Variants in GOT2 observed in about 807,000 individuals in gnomAD.
GOT2 encodes the protein glutamic-oxaloacetic transaminase 2.
In GOT2, 17 loss-of-function variants were observed where a neutral mutation model predicts 50.0. The ratio of observed to expected loss-of-function variants is 0.34; its 90% CI spans 0.23 to 0.51. The LOEUF is 0.51. Ranked by LOEUF, GOT2 falls within the 20% of genes least tolerant of loss-of-function variation. GOT2 has a pLI of 0.97. For missense variants in GOT2, 430 were observed against 559.6 expected, an observed-to-expected ratio of 0.77 and a Z score of 2.34; for synonymous variants, 172 against 204.9, an observed-to-expected ratio of 0.84 and a Z score of 1.37.
At position 58,734,148 on chromosome 16, in the gene GOT2, G is replaced by A; in HGVS notation, c.81C>T (p.Ala27=). 1 of 1,333,086 alleles carries A rather than the reference G, an allele frequency of 7.5e-7. No individual in the cohort carries two copies. The highest frequency in any genetic ancestry group is 2.5e-5 in the South Asian group (1 of 40,478). 82.6% of individuals were successfully genotyped at this position (1,333,086 alleles called of 1,614,324 possible). ...FHPGLAAAAS[A]RASSWWTHVE... Reference sequence around the variant, plus strand: ...CGTTTCCCTTGGCTTACCTGGCTCTGGCAGAGGCCGCGGCGGCGAGGCCCG... The same window carrying A: ...CGTTTCCCTTGGCTTACCTGGCTCTAGCAGAGGCCGCGGCGGCGAGGCCCG... Residue 27 remains alanine (A), a synonymous_variant, in exon 1 of 10, where the codon GCC becomes GCT. Transcript: ENST00000245206.
intron 2 of GOT2, among the ~76,000 whole-genome samples, chr16:58,722,946 T>TGCCA (rs2044753437): frequency 6.6e-6 from 1 of 152,218 alleles, no homozygotes; most frequent in East Asian, 1.9e-4. Flanking sequence ...TCAAGCTATA[T>TGCCA]GCCAGTCTAA....
chr16:58,727,676 G>C (rs257621), intron 1 of GOT2, among the ~76,000 whole-genome samples: 105,374 of 151,964 alleles, frequency 0.69, 37,086 homozygotes, highest in Middle Eastern at 0.86. Context: ...AGCAGAGGAC[G>C]TAATAGCTTG....
At chr16:58,720,911 A>G (rs1478364651) in intron 3 of GOT2, among the ~76,000 whole-genome samples, 1 of 152,132 alleles carries the variant, frequency 6.6e-6, no homozygotes, top group African/African-American at 2.4e-5. Flanking sequence ...ATAAAAGACA[A>G]GCTGATGTTA....
At chr16:58,711,108 T>A (rs369035412) in intron 8 of GOT2, among the ~76,000 whole-genome samples, 4 of 151,826 alleles carry the variant, frequency 2.6e-5, no homozygotes, top group Non-Finnish European at 5.9e-5. Flanking sequence ...ATCTTCACAA[T>A]TGAGACAATG....
intron 8 of GOT2, among the ~76,000 whole-genome samples, chr16:58,712,941 A>C (rs1831774898): frequency 6.6e-6 from 1 of 152,152 alleles, no homozygotes; most frequent in African/African-American, 2.4e-5. Context: ...CTCTACTAAA[A>C]ATACAAAATT....
At position 58,708,203 on chromosome 16, in the gene GOT2, G is replaced by C; in HGVS notation, c.1261C>G (p.Leu421Val). 6.2e-7 allele frequency: 1 copy of C among 1,614,020 alleles called. No individual in the cohort carries two copies. The highest frequency in any genetic ancestry group is 8.5e-7 in the Non-Finnish European group (1 of 1,179,900). ...AGVTSSNVGY[L>V]AHAIHQVTK ...GTGACCTGGTGAATGGCATGGGCAA[G>C]GTAGCCCACGTTGCTGGAGGTGACC... is the stretch of plus-strand genomic sequence containing the variant. The change falls in exon 10 of 10, where the codon CTT (leucine) becomes GTT (valine). Residue 421 changes from leucine (L) to valine (V), a missense_variant. Coordinates refer to ENST00000245206, the MANE Select transcript of GOT2 (RefSeq NM_002080.4).
intron 1 of GOT2, among the ~76,000 whole-genome samples, chr16:58,733,149 T>C (rs1366041519): frequency 6.6e-6 from 1 of 152,134 alleles, no homozygotes; most frequent in South Asian, 2.1e-4. Context: ...TTAAGGAGAG[T>C]GCTCCAAATC....
In GOT2 at chr16:58,708,112, C is replaced by A; in HGVS notation, c.*59G>T. On this transcript the variant is annotated 3_prime_UTR_variant, in exon 10 of 10. Coordinates refer to ENST00000245206, the MANE Select transcript of GOT2 (RefSeq NM_002080.4). Reference sequence around the variant, plus strand: ...ACCCTCTCTCATTGTCTGTGTGAAGCTCTCAATAGCAGAGGCTGAAGACAG... The same window carrying A: ...ACCCTCTCTCATTGTCTGTGTGAAGATCTCAATAGCAGAGGCTGAAGACAG... 1.3e-6 allele frequency: 2 copies of A among 1,562,396 alleles called. No homozygotes were observed. Among genetic ancestry groups the A allele is most frequent in the Non-Finnish European group, 8.7e-7 (1 of 1,143,572 alleles).
chr16:58,710,199 A>G (rs1451999940), intron 8 of GOT2, among the ~76,000 whole-genome samples: 2 of 151,474 alleles, frequency 1.3e-5, no homozygotes, highest in African/African-American at 4.9e-5. Flanking sequence ...CGCCTGGCCC[A>G]TTTTCTTTTT....
rs768115428 is a variant in GOT2 at position 58,722,251 on chromosome 16, A to G, written c.274T>C (p.Leu92=). 4.3e-6 allele frequency: 7 copies of G among 1,613,556 alleles called. No homozygotes were observed. Among genetic ancestry groups the G allele is most frequent in the African/African-American group, 2.7e-5 (2 of 74,914 alleles). Residue 92 remains leucine (L), a synonymous_variant, in exon 3 of 10, where the codon TTG becomes CTG. Transcript: ENST00000245206. ...KAEAQIAAKN[L]DKEYLPIGGL... is the part of the protein sequence containing the mutation. The stretch of plus-strand genomic sequence containing the variant: ...CCAATGGGCAGGTATTCCTTGTCCA[A>G]ATTTTTTGCGGCAATCTGGGCCTCT...
intron 1 of GOT2, among the ~76,000 whole-genome samples, chr16:58,730,153 C>G (rs1204789666): frequency 6.6e-6 from 1 of 152,090 alleles, no homozygotes; most frequent in Non-Finnish European, 1.5e-5. Flanking sequence ...TGTTGAAACT[C>G]TGGGGGAAAG....
At chr16:58,721,215 T>G (rs1026322791) in intron 3 of GOT2, among the ~76,000 whole-genome samples, 2 of 152,202 alleles carry the variant, frequency 1.3e-5, no homozygotes, top group African/African-American at 4.8e-5. Context: ...AGAAAAAATG[T>G]TGACTTAATT....
rs543408781 is a variant in GOT2 at position 58,722,314 on chromosome 16, T to A, written c.247-36A>T. The A allele has an allele frequency of 1.9e-6, 3 of 1,602,548 alleles. No individual in the cohort carries two copies. The Admixed American group carries it at 5.0e-5, about 27-fold the overall frequency. ...GAAAATACATCCATTGAATTTCTTC[T>A]CCTTACTTGGAATTACTATGATTAA... On this transcript the variant is annotated intron_variant, in intron 2 of 9. Coordinates refer to ENST00000245206, the MANE Select transcript of GOT2 (RefSeq NM_002080.4).
intron 1 of GOT2, among the ~76,000 whole-genome samples, chr16:58,725,112 C>CGT (rs2044772898): frequency 6.9e-6 from 1 of 145,468 alleles, no homozygotes; most frequent in African/African-American, 2.5e-5. Flanking sequence ...TTCTTTCTTT[C>CGT]TTTTTTTTTT....
In GOT2 at chr16:58,709,614, C is replaced by T. The variant is rs180995607; in HGVS notation, c.1020-47G>A. ...CAGCTCATTCTGCCTAAGCACTGAC[C>T]GATATGCTGGAGTTCACTGCATTTT... On this transcript the variant is annotated intron_variant, in intron 8 of 9. Coordinates refer to ENST00000245206, the MANE Select transcript of GOT2 (RefSeq NM_002080.4). 432 of 1,548,480 alleles carry T rather than the reference C, an allele frequency of 2.8e-4. 2 individuals are homozygous for T. The East Asian group carries it at 6.5e-3, about 23-fold the overall frequency.
At chr16:58,733,095 G>T (rs1231653374) in intron 1 of GOT2, among the ~76,000 whole-genome samples, 1 of 152,192 alleles carries the variant, frequency 6.6e-6, no homozygotes, top group African/African-American at 2.4e-5. Flanking sequence ...GTTAATACCT[G>T]CTTGGGGGTG....
chr16:58,723,977 A>T (rs2044762181), intron 1 of GOT2, 75 bp from the exon 2 acceptor site: 5 of 1,353,162 alleles, frequency 3.7e-6, no homozygotes, highest in Admixed American at 3.8e-5. Flanking sequence ...TTTATGAGAT[A>T]GACTCTTGCT....
At position 58,734,280 on chromosome 16, in the gene GOT2, C is replaced by A; in HGVS notation, c.-52G>T. The A allele has an allele frequency of 4.1e-6, 4 of 982,012 alleles. No individual in the cohort carries two copies. The highest frequency in any genetic ancestry group is 5.4e-6 in the Non-Finnish European group (4 of 741,712). The allele number at this position is 982,012 out of a possible 1,614,324, so 60.8% of individuals were successfully genotyped here. ...GCCGCAGGACGGAGCAGAGGGCGAG[C>A]GGACACACACACAGGGAACCGGCTC... On this transcript the variant is annotated 5_prime_UTR_variant, in exon 1 of 10. Coordinates refer to ENST00000245206, the MANE Select transcript of GOT2 (RefSeq NM_002080.4).
Position 58,716,820 on chromosome 16 carries a change from AG to A in GOT2, c.703-8del. ...ACGCAAAGAGATTCCTTTTCTGAGA[AG>A]GAACGAAAGATCGAAGCTTTAGCAG... On this transcript the variant is annotated splice_region_variant and splice_polypyrimidine_tract_variant and intron_variant, in intron 6 of 9. Coordinates refer to ENST00000245206, the MANE Select transcript of GOT2 (RefSeq NM_002080.4). The A allele has an allele frequency of 6.2e-7, 1 of 1,613,910 alleles. No homozygotes were observed. The highest frequency in any genetic ancestry group is 8.5e-7 in the Non-Finnish European group (1 of 1,179,870).
Sources: gnomAD v4.1 joint callset for allele counts (sites outside exome capture counted in the v4.1 genomes callset) on GRCh38, gnomAD v4.1.1 for gene constraint, MANE v1.5 for transcripts, NCBI Gene and HGNC (gene_info 2026-07-23, HGNC 2026-07-21) for gene names.